PNLIPRP3: variants seen among roughly 807,000 people sequenced by gnomAD.
The protein encoded by PNLIPRP3 is pancreatic lipase-related protein 3.
In PNLIPRP3, 58 loss-of-function variants were observed where a neutral mutation model predicts 52.8. The ratio of observed to expected loss-of-function variants is 1.10; its 90% CI spans 0.89 to 1.37. The LOEUF (loss-of-function observed/expected upper bound fraction) is 1.37, where lower values mean the gene tolerates loss of function less well. Ranked by LOEUF, PNLIPRP3 falls within the 40% of genes most tolerant of loss-of-function variation. The pLI is 0.00. For synonymous variants in PNLIPRP3, 192 were observed against 185.0 expected (o/e 1.04, Z -0.31); for missense variants, 593 against 561.6 (o/e 1.06, Z -0.57).
At chr10:116,448,412 C>T (rs1372937724) in intron 4 of PNLIPRP3, among the ~76,000 whole-genome samples, 2 of 151,812 alleles carry the variant, frequency 1.3e-5, no homozygotes, top group Non-Finnish European at 1.5e-5. Flanking sequence ...AAGAAAGTAC[C>T]TATAGAAAAT....
intron 4 of PNLIPRP3, 41 bp from the exon 5 acceptor site, chr10:116,455,681 G>A (rs367617669): frequency 3.9e-5 from 55 of 1,396,150 alleles, no homozygotes; most frequent in Admixed American, 1.2e-4. Flanking sequence ...CTATTCCACC[G>A]CTGTTTTTAA....
chr10:116,436,642 CAT>C, intron 1 of PNLIPRP3, 67 bp from the exon 2 acceptor site: 1 of 1,407,064 alleles, frequency 7.1e-7, no homozygotes, highest in Non-Finnish European at 9.5e-7. Context: ...TACTTTAACT[CAT>C]AGTGAGAAAC....
intron 5 of PNLIPRP3, among the ~76,000 whole-genome samples, chr10:116,457,288 C>T (rs1257108672): frequency 3.3e-5 from 5 of 152,152 alleles, no homozygotes; most frequent in Non-Finnish European, 7.3e-5. Flanking sequence ...GCATTGACTC[C>T]AGGCTTGGCC....
intron 5 of PNLIPRP3, among the ~76,000 whole-genome samples, chr10:116,459,753 C>A (rs895640516): frequency 1.3e-5 from 2 of 152,124 alleles, no homozygotes; most frequent in Non-Finnish European, 2.9e-5. Flanking sequence ...CCCTTCAGAT[C>A]TCTACTAGTG....
intron 1 of PNLIPRP3, among the ~76,000 whole-genome samples, chr10:116,430,080 A>T (rs1845688286): frequency 6.6e-6 from 1 of 152,164 alleles, no homozygotes; most frequent in Admixed American, 6.6e-5. Flanking sequence ...TCAGTAGGTG[A>T]GAGAAGATGG....
At chr10:116,430,121 G>A (rs752715790) in intron 1 of PNLIPRP3, among the ~76,000 whole-genome samples, 3 of 152,078 alleles carry the variant, frequency 2.0e-5, no homozygotes, top group African/African-American at 2.4e-5. Context: ...TTGCCTTTGC[G>A]AGAAACAAAG....
At chr10:116,472,346 G>A (rs2097121209) in intron 10 of PNLIPRP3, among the ~76,000 whole-genome samples, 1 of 152,176 alleles carries the variant, frequency 6.6e-6, no homozygotes, top group Non-Finnish European at 1.5e-5. Flanking sequence ...CAGTTCAGAT[G>A]TTCATTTTGT....
At chr10:116,444,757 G>T (rs994338264) in intron 4 of PNLIPRP3, among the ~76,000 whole-genome samples, 1 of 152,176 alleles carries the variant, frequency 6.6e-6, no homozygotes, top group Non-Finnish European at 1.5e-5. Context: ...AACTGCCCCC[G>T]CAAGGTCACT....
At chr10:116,430,128 A>G (rs1477134810) in intron 1 of PNLIPRP3, among the ~76,000 whole-genome samples, 1 of 152,176 alleles carries the variant, frequency 6.6e-6, no homozygotes, top group Non-Finnish European at 1.5e-5. Context: ...TGCGAGAAAC[A>G]AAGACAGTTC....
intron 4 of PNLIPRP3, among the ~76,000 whole-genome samples, chr10:116,450,443 A>G (rs1278091560): frequency 1.3e-5 from 2 of 152,210 alleles, no homozygotes; most frequent in African/African-American, 2.4e-5. Flanking sequence ...TTAGCAGAAG[A>G]AGGGAAATAA....
At chr10:116,460,567 T>A (rs999666809) in intron 5 of PNLIPRP3, among the ~76,000 whole-genome samples, 5 of 152,214 alleles carry the variant, frequency 3.3e-5, no homozygotes, top group Admixed American at 2.0e-4. Flanking sequence ...TTATTTTAAT[T>A]GTGTTGCTTT....
intron 3 of PNLIPRP3, 133 bp downstream of exon 3, chr10:116,443,307 G>T: frequency 1.0e-6 from 1 of 973,228 alleles, no homozygotes. Context: ...GTGTTCTGGG[G>T]CCTCAAATTA....
rs776225029 is a variant in PNLIPRP3 at position 116,445,934 on chromosome 10, C to T, written c.456+1421C>T. 2.2e-3 allele frequency among the ~76,000 whole-genome samples: 329 copies of T among 152,208 alleles called. 2 individuals are homozygous for T. Among genetic ancestry groups the T allele is most frequent in the Middle Eastern group, 6.8e-3 (2 of 294 alleles). On this transcript the variant is annotated intron_variant, in intron 4 of 11. Transcript: ENST00000369230. ...GGATTGGTACTGAGGCAAGCAGGTG[C>T]TTGGGAATGGGGTAGGAAGATGGGG...
chr10:116,430,569 A>G (rs915915493), intron 1 of PNLIPRP3, among the ~76,000 whole-genome samples: 4 of 152,174 alleles, frequency 2.6e-5, no homozygotes, highest in African/African-American at 9.7e-5. Context: ...AAGTTCAAGG[A>G]GAGTACAGGG....
At chr10:116,439,500 T>TC in intron 2 of PNLIPRP3, 1 of 745,482 alleles carries the variant, frequency 1.3e-6, no homozygotes, top group East Asian at 2.5e-5. Flanking sequence ...GTCTTCTTCA[T>TC]CCTCCTCTTC....
intron 1 of PNLIPRP3, among the ~76,000 whole-genome samples, chr10:116,432,890 G>A (rs552516465): frequency 2.6e-5 from 4 of 151,836 alleles, no homozygotes; most frequent in Middle Eastern, 3.4e-3. Context: ...CGAGGCGGGC[G>A]GATCACGAGG....
At chr10:116,440,868 A>T (rs1239012725) in intron 2 of PNLIPRP3, among the ~76,000 whole-genome samples, 1 of 152,214 alleles carries the variant, frequency 6.6e-6, no homozygotes, top group Non-Finnish European at 1.5e-5. Context: ...CCTAACTGGT[A>T]ACTATTTTTT....
chr10:116,457,724 G>A (rs919902407), intron 5 of PNLIPRP3, among the ~76,000 whole-genome samples: 2 of 152,202 alleles, frequency 1.3e-5, no homozygotes, highest in African/African-American at 4.8e-5. Context: ...CCTCAGGCAG[G>A]CTGAGTGAAG....
At chr10:116,446,290 A>G (rs576326483) in intron 4 of PNLIPRP3, among the ~76,000 whole-genome samples, 28 of 149,048 alleles carry the variant, frequency 1.9e-4, no homozygotes, top group South Asian at 6.4e-4. Flanking sequence ...AGCTTGCAGT[A>G]AGCCGAGATG....
Sources: allele counts gnomAD v4.1 joint callset (sites outside exome capture counted in the v4.1 genomes callset), GRCh38; gene constraint gnomAD v4.1.1; transcripts MANE v1.5; gene names NCBI Gene and HGNC (gene_info 2026-07-23, HGNC 2026-07-21).